Variants in PRKCH observed in about 807,000 individuals in gnomAD.
The protein encoded by PRKCH is protein kinase C eta, also known as protein kinase C eta type.
A neutral mutation model predicts 82.5 loss-of-function variants in PRKCH; 28 were observed. That is an observed-to-expected ratio of 0.34 (90% confidence interval 0.25 to 0.47). The LOEUF (loss-of-function observed/expected upper bound fraction) is 0.47, where lower values mean the gene tolerates loss of function less well. PRKCH is among the 20% of genes least tolerant of loss of function. PRKCH has a pLI of 1.00. For synonymous variants in PRKCH, 322 were observed against 327.4 expected (o/e 0.98, Z 0.18); for missense variants, 705 against 881.8 (o/e 0.80, Z 2.54).
intron 1 of PRKCH, chr14:61,278,339 C>T (rs909234330): frequency 6.6e-6 from 1 of 152,028 alleles, no homozygotes. Context: ...AGTTGGGAAG[C>T]CAACACATTA....
chr14:61,417,571 G>T (rs1238688945), intron 2 of PRKCH, among the ~76,000 whole-genome samples: 1 of 152,144 alleles, frequency 6.6e-6, no homozygotes, highest in Non-Finnish European at 1.5e-5. Flanking sequence ...GCCTTTAATT[G>T]GGCATATTTT....
At chr14:61,235,297 G>A (rs1476707988) in intron 1 of PRKCH, among the ~76,000 whole-genome samples, 2 of 152,106 alleles carry the variant, frequency 1.3e-5, no homozygotes, top group East Asian at 1.9e-4. Flanking sequence ...TTCCATCACC[G>A]CTAGGCAAAC....
At chr14:61,222,715 G>A (rs908290036) in intron 1 of PRKCH, among the ~76,000 whole-genome samples, 2 of 152,194 alleles carry the variant, frequency 1.3e-5, no homozygotes, top group Non-Finnish European at 2.9e-5. Flanking sequence ...TTTCAACAAA[G>A]ACTGTTAGTT....
At chr14:61,499,025 A>G (rs1886783387) in intron 10 of PRKCH, among the ~76,000 whole-genome samples, 1 of 152,140 alleles carries the variant, frequency 6.6e-6, no homozygotes, top group African/African-American at 2.4e-5. Context: ...CAGGCACGAG[A>G]GAATAACCAA....
intron 2 of PRKCH, among the ~76,000 whole-genome samples, chr14:61,439,651 A>G (rs535834469): frequency 3.4e-5 from 5 of 148,866 alleles, no homozygotes; most frequent in African/African-American, 7.8e-5. Context: ...GTGCACTCCC[A>G]GGCTGCTGTG....
intron 1 of PRKCH, among the ~76,000 whole-genome samples, chr14:61,228,829 C>T (rs767087125): frequency 2.0e-5 from 3 of 151,782 alleles, no homozygotes; most frequent in Non-Finnish European, 4.4e-5. Context: ...TTGCTTGGGC[C>T]CAGTAGTTCA....
At chr14:61,518,489 T>C (rs1462743697) in intron 10 of PRKCH, among the ~76,000 whole-genome samples, 1 of 151,990 alleles carries the variant, frequency 6.6e-6, no homozygotes, top group Non-Finnish European at 1.5e-5. Flanking sequence ...CAGCTGTCAG[T>C]TTGATGGCTC....
intron 1 of PRKCH, chr14:61,361,250 TC>T (rs1210881435): frequency 6.6e-6 from 1 of 152,210 alleles, no homozygotes; most frequent in East Asian, 1.9e-4. Context: ...TTTTTCACCA[TC>T]CTGTTACTCT....
rs573585633 is a variant in PRKCH, at chr14:61,523,943, G to C, written c.1434-5132G>C. Among the ~76,000 whole-genome samples the C allele has an allele frequency of 1.9e-3, 283 of 152,358 alleles. 1 individual carries two copies. The highest frequency in any genetic ancestry group is 6.5e-3 in the African/African-American group (269 of 41,584). On this transcript the variant is annotated intron_variant, in intron 10 of 13. Transcript: ENST00000332981. Reference sequence around the variant, plus strand: ...GTAGCGAGGGAGCATGTTTGGACGTGCATTGGCAGGTGCCGAGGCTGTGTG... The same window carrying C: ...GTAGCGAGGGAGCATGTTTGGACGTCCATTGGCAGGTGCCGAGGCTGTGTG...
At chr14:61,461,472 G>C (rs770541393) in intron 9 of PRKCH, among the ~76,000 whole-genome samples, 10 of 152,140 alleles carry the variant, frequency 6.6e-5, no homozygotes, top group Non-Finnish European at 1.3e-4. Context: ...TGACCTCTCA[G>C]ATCTTCTTCC....
intron 2 of PRKCH, among the ~76,000 whole-genome samples, chr14:61,439,107 G>A (rs998823736): frequency 3.3e-5 from 5 of 152,192 alleles, no homozygotes; most frequent in East Asian, 1.9e-4. Context: ...GTTGCCTGAC[G>A]TGTCTAACTA....
intron 1 of PRKCH, among the ~76,000 whole-genome samples, chr14:61,246,176 C>A (rs1048723285): frequency 6.6e-6 from 1 of 150,690 alleles, no homozygotes; most frequent in Non-Finnish European, 1.5e-5. Context: ...GAGGCCGAGG[C>A]GAGTGGATCA....
At chr14:61,292,322 A>AAAAAAT in intron 1 of PRKCH, among the ~76,000 whole-genome samples, 1 of 151,940 alleles carries the variant, frequency 6.6e-6, no homozygotes, top group South Asian at 2.1e-4. Context: ...AAAAAAAAAA[A>AAAAAAT]AAAAATTTAA....
chr14:61,246,956 C>T (rs1374813010), intron 1 of PRKCH, among the ~76,000 whole-genome samples: 2 of 152,152 alleles, frequency 1.3e-5, no homozygotes, highest in East Asian at 1.9e-4. Context: ...GTTGGCCTGC[C>T]TGTCTCCCAA....
intron 1 of PRKCH, among the ~76,000 whole-genome samples, chr14:61,227,710 G>A (rs573327231): frequency 3.1e-4 from 47 of 152,116 alleles, no homozygotes; most frequent in African/African-American, 8.2e-4. Flanking sequence ...AAAAGTAATC[G>A]CGGTTTTTGC....
intron 1 of PRKCH, among the ~76,000 whole-genome samples, chr14:61,236,727 A>AAAAAG (rs1377923588): frequency 1.7e-5 from 2 of 118,284 alleles, no homozygotes; most frequent in Non-Finnish European, 1.8e-5. Context: ...AAAAAAAAAA[A>AAAAAG]AAAAGAAAAG....
intron 9 of PRKCH, among the ~76,000 whole-genome samples, chr14:61,461,529 G>T (rs1352606299): frequency 2.0e-5 from 3 of 152,216 alleles, no homozygotes; most frequent in African/African-American, 7.2e-5. Context: ...CATGAGGTTA[G>T]ATCATCTTCA....
chr14:61,385,437 G>A (rs573351702), intron 1 of PRKCH, among the ~76,000 whole-genome samples: 1 of 152,294 alleles, frequency 6.6e-6, no homozygotes, highest in African/African-American at 2.4e-5. Context: ...ACAGGATGTG[G>A]GAAGCAAAGC....
intron 1 of PRKCH, among the ~76,000 whole-genome samples, chr14:61,223,661 C>A (rs888531631): frequency 2.0e-5 from 3 of 152,194 alleles, no homozygotes; most frequent in Non-Finnish European, 4.4e-5. Flanking sequence ...TACAATGGTA[C>A]CCTTCCTGTA....
Sources: allele counts gnomAD v4.1 joint callset (sites outside exome capture counted in the v4.1 genomes callset), GRCh38; gene constraint gnomAD v4.1.1; transcripts MANE v1.5; gene names NCBI Gene and HGNC (gene_info 2026-07-23, HGNC 2026-07-21).